The following HDAC9 variants were observed in gnomAD, a reference collection of about 807,000 sequenced individuals.
HDAC9 encodes MEF-2 interacting transcription repressor (MITR) protein.
Under a neutral mutation model 139.4 loss-of-function variants are expected in HDAC9, and 41 were observed. The ratio of observed to expected loss-of-function variants is 0.29; its 90% CI spans 0.23 to 0.38. The LOEUF is 0.38. Ranked by LOEUF, HDAC9 falls within the 10% of genes least tolerant of loss-of-function variation. The probability of loss-of-function intolerance (pLI) is 1.00; values close to 1 mark genes in which losing one functional copy is unlikely to be tolerated. For synonymous variants in HDAC9, 517 were observed against 476.2 expected, an observed-to-expected ratio of 1.09 and a Z score of -1.12; for missense variants, 1,147 against 1,297.0, an observed-to-expected ratio of 0.88 and a Z score of 1.78.
chr7:18,938,643 TA>T (rs1781821794), intron 23 of HDAC9, among the ~76,000 whole-genome samples: 2 of 152,134 alleles, frequency 1.3e-5, no homozygotes, highest in South Asian at 4.1e-4. Context: ...AATTAAATAT[TA>T]AAACCACCCT....
chr7:18,322,426 C>T (rs1800098382), intron 1 of HDAC9, among the ~76,000 whole-genome samples: 1 of 152,226 alleles, frequency 6.6e-6, no homozygotes, highest in Non-Finnish European at 1.5e-5. Flanking sequence ...ATCCATTTTA[C>T]CTCCAAGAGT....
intron 1 of HDAC9, among the ~76,000 whole-genome samples, chr7:18,136,757 T>C (rs1206065636): frequency 1.3e-5 from 2 of 151,456 alleles, no homozygotes; most frequent in African/African-American, 4.8e-5. Flanking sequence ...AGCTTTGTTC[T>C]TTTGGCTTAG....
At chr7:18,217,389 T>G (rs1442171689) in intron 2 of HDAC9, among the ~76,000 whole-genome samples, 2 of 152,228 alleles carry the variant, frequency 1.3e-5, no homozygotes, top group Non-Finnish European at 2.9e-5. Flanking sequence ...GTATTTGAAA[T>G]TAACAACTGT....
chr7:18,639,512 G>T (rs1784908931), intron 8 of HDAC9, among the ~76,000 whole-genome samples: 1 of 151,788 alleles, frequency 6.6e-6, no homozygotes, highest in African/African-American at 2.4e-5. Flanking sequence ...CCATTTTATA[G>T]TAACACCTTC....
intron 21 of HDAC9, among the ~76,000 whole-genome samples, chr7:18,867,182 A>G (rs1322337329): frequency 6.6e-6 from 1 of 152,204 alleles, no homozygotes; most frequent in Non-Finnish European, 1.5e-5. Context: ...GTTGTTCTTC[A>G]AGAAGAGCAT....
intron 1 of HDAC9, among the ~76,000 whole-genome samples, chr7:18,098,854 C>T (rs1228314095): frequency 3.9e-5 from 6 of 152,088 alleles, no homozygotes; most frequent in South Asian, 2.1e-4. Flanking sequence ...TGTGAATCCC[C>T]GGTTGAGCTT....
intron 2 of HDAC9, among the ~76,000 whole-genome samples, chr7:18,569,200 A>G (rs1245144143): frequency 1.3e-5 from 2 of 152,234 alleles, no homozygotes; most frequent in African/African-American, 2.4e-5. Flanking sequence ...TTTTTAGTGC[A>G]AAAGCAGCTA....
chr7:18,656,320 A>G (rs1285132736), intron 11 of HDAC9, among the ~76,000 whole-genome samples: 1 of 152,114 alleles, frequency 6.6e-6, no homozygotes, highest in East Asian at 1.9e-4. Flanking sequence ...CGGTCATGGA[A>G]TAATTGATGA....
intron 21 of HDAC9, among the ~76,000 whole-genome samples, chr7:18,869,147 GGTGTGTGTGTGT>G (rs58034239): frequency 8.0e-5 from 11 of 138,128 alleles, no homozygotes; most frequent in Non-Finnish European, 1.1e-4. Flanking sequence ...TCACAATTGG[GGTGTGTGTGTGT>G]GTGTGTGTGT....
chr7:18,840,980 C>T (rs952266602), intron 21 of HDAC9, among the ~76,000 whole-genome samples: 1 of 151,992 alleles, frequency 6.6e-6, no homozygotes, highest in Non-Finnish European at 1.5e-5. Context: ...TTGTCATATC[C>T]ACACTGCAAG....
intron 1 of HDAC9, among the ~76,000 whole-genome samples, chr7:18,139,581 C>G (rs904490495): frequency 1.1e-4 from 16 of 152,168 alleles, no homozygotes; most frequent in African/African-American, 3.9e-4. Flanking sequence ...ATATGTTGGA[C>G]TGTATGAGAC....
At chr7:18,266,701 C>T (rs1796024324) in intron 2 of HDAC9, among the ~76,000 whole-genome samples, 1 of 152,062 alleles carries the variant, frequency 6.6e-6, no homozygotes, top group African/African-American at 2.4e-5. Context: ...ACTGTAAATA[C>T]ACTGTGATAC....
intron 1 of HDAC9, among the ~76,000 whole-genome samples, chr7:18,377,965 CA>C (rs1785123248): frequency 6.6e-6 from 1 of 151,974 alleles, no homozygotes; most frequent in Non-Finnish European, 1.5e-5. Flanking sequence ...ACTTTCATTC[CA>C]GAAGACTTAA....
At chr7:18,350,840 C>T (rs563507951) in intron 1 of HDAC9, among the ~76,000 whole-genome samples, 5 of 152,298 alleles carry the variant, frequency 3.3e-5, no homozygotes, top group South Asian at 2.1e-4. Flanking sequence ...ATCCCCATAA[C>T]GACACTGGGC....
At chr7:18,510,435 T>C (rs1801143087) in intron 2 of HDAC9, among the ~76,000 whole-genome samples, 1 of 152,074 alleles carries the variant, frequency 6.6e-6, no homozygotes, top group South Asian at 2.1e-4. Flanking sequence ...TTTTATGTTA[T>C]TCAAATAACA....
intron 1 of HDAC9, among the ~76,000 whole-genome samples, chr7:18,363,441 C>T (rs185840169): frequency 3.2e-4 from 48 of 151,974 alleles, no homozygotes; most frequent in Admixed American, 1.3e-3. Context: ...GGCCTAGATT[C>T]GCAAAGAAAA....
intron 6 of HDAC9, among the ~76,000 whole-genome samples, chr7:18,609,371 T>G (rs1479257046): frequency 6.6e-6 from 1 of 152,176 alleles, no homozygotes; most frequent in Admixed American, 6.5e-5. Flanking sequence ...CATTTGAATC[T>G]AAGTTTAAAA....
At chr7:18,826,942 TAA>T (rs1795492298) in intron 17 of HDAC9, among the ~76,000 whole-genome samples, 1 of 151,838 alleles carries the variant, frequency 6.6e-6, no homozygotes, top group Non-Finnish European at 1.5e-5. Context: ...ATTTTTGTTA[TAA>T]AACTATTGGA....
chr7:18,197,393 AATAT>A (rs1269422231), intron 2 of HDAC9, among the ~76,000 whole-genome samples: 3 of 152,126 alleles, frequency 2.0e-5, no homozygotes, highest in African/African-American at 7.2e-5. Context: ...TTTGATGGAA[AATAT>A]ATTTGGTTTT....
Sources: allele counts gnomAD v4.1 joint callset (sites outside exome capture counted in the v4.1 genomes callset), GRCh38; gene constraint gnomAD v4.1.1; transcripts MANE v1.5; gene names NCBI Gene and HGNC (gene_info 2026-07-23, HGNC 2026-07-21).